The following GLDC variants were observed in gnomAD, a reference collection of about 807,000 sequenced individuals.
GLDC encodes the protein glycine decarboxylase, also known as glycine dehydrogenase (decarboxylating), mitochondrial.
Under a neutral mutation model 121.3 loss-of-function variants are expected in GLDC, and 104 were observed. The observed-to-expected ratio is 0.86, with a 90% CI of 0.73 to 1.01. The LOEUF (loss-of-function observed/expected upper bound fraction) is 1.01, where lower values mean the gene tolerates loss of function less well. Among genes scored for constraint, GLDC ranks in the 50% least tolerant of loss-of-function variants. GLDC has a pLI of 0.00. For synonymous variants in GLDC, 546 were observed against 480.6 expected (o/e 1.14, Z -1.78); for missense variants, 1,429 against 1,306.6 (o/e 1.09, Z -1.44).
chr9:6,621,581 G>A (rs1168902503), intron 2 of GLDC, among the ~76,000 whole-genome samples: 1 of 152,080 alleles, frequency 6.6e-6, no homozygotes, highest in East Asian at 1.9e-4. Context: ...GCAGTGGCTC[G>A]ATCTTGGCTC....
chr9:6,536,061 C>G lies in GLDC; in HGVS notation c.2838+3G>C. The G allele has an allele frequency of 6.2e-7, 1 of 1,612,152 alleles. No homozygotes were observed. The highest frequency in any genetic ancestry group is 8.5e-7 in the Non-Finnish European group (1 of 1,178,794). On this transcript the variant is annotated splice_donor_region_variant and intron_variant, in intron 23 of 24. Coordinates refer to ENST00000321612, the MANE Select transcript of GLDC (RefSeq NM_000170.3). ...TTCAAGCAATGTTCCAGGGCCTACG[C>G]ACCTTCAGCGGATTGACCCTGGGGT...
chr9:6,608,521 A>T (rs1318660372), intron 4 of GLDC, among the ~76,000 whole-genome samples: 2 of 150,152 alleles, frequency 1.3e-5, no homozygotes, highest in African/African-American at 2.4e-5. Context: ...CGGGCGGATC[A>T]TGAGGTCAGG....
chr9:6,578,494 T>C (rs1563844937), intron 15 of GLDC, among the ~76,000 whole-genome samples: 1 of 152,172 alleles, frequency 6.6e-6, no homozygotes, highest in Non-Finnish European at 1.5e-5. Flanking sequence ...CCCGTGATGT[T>C]TGATATGCGG....
intron 15 of GLDC, among the ~76,000 whole-genome samples, chr9:6,579,733 G>T (rs574681255): frequency 1.3e-5 from 2 of 152,304 alleles, no homozygotes; most frequent in African/African-American, 4.8e-5. Context: ...CCAGCTCTGA[G>T]ATCGAAGTTG....
At chr9:6,606,765 A>C in intron 4 of GLDC, 96 bp from the exon 5 acceptor site, 2 of 817,430 alleles carry the variant, frequency 2.4e-6, no homozygotes, top group Non-Finnish European at 4.4e-6. Context: ...GGGTAAGTCT[A>C]AGCACAGTAT....
intron 7 of GLDC, among the ~76,000 whole-genome samples, chr9:6,603,681 A>C (rs934742605): frequency 1.3e-5 from 2 of 151,844 alleles, no homozygotes; most frequent in African/African-American, 2.4e-5. Context: ...AAATTTCCCC[A>C]GTAATAATCC....
chr9:6,619,554 C>A (rs1370779586), intron 3 of GLDC, among the ~76,000 whole-genome samples: 3 of 152,096 alleles, frequency 2.0e-5, no homozygotes, highest in African/African-American at 7.2e-5. Context: ...ACGGTGAAAC[C>A]CCATCTCTAC....
chr9:6,596,561 C>G (rs954498241), intron 8 of GLDC, among the ~76,000 whole-genome samples: 29 of 152,196 alleles, frequency 1.9e-4, no homozygotes, highest in African/African-American at 5.5e-4. Context: ...AAGAACATAA[C>G]AAGACCCCAT....
intron 21 of GLDC, among the ~76,000 whole-genome samples, chr9:6,544,830 T>C (rs1294548971): frequency 6.6e-6 from 1 of 152,160 alleles, no homozygotes; most frequent in African/African-American, 2.4e-5. Context: ...GCCGGGGCAA[T>C]GGCTCACACC....
intron 9 of GLDC, among the ~76,000 whole-genome samples, chr9:6,593,318 A>T (rs1298043696): frequency 6.7e-6 from 1 of 149,752 alleles, no homozygotes; most frequent in East Asian, 1.9e-4. Context: ...TGAGAGATAC[A>T]GTCTCACTCT....
intron 15 of GLDC, among the ~76,000 whole-genome samples, chr9:6,578,509 T>C (rs556431736): frequency 1.3e-5 from 2 of 152,294 alleles, no homozygotes; most frequent in African/African-American, 4.8e-5. Flanking sequence ...ATGCGGTATC[T>C]TCATTTTAAT....
intron 10 of GLDC, among the ~76,000 whole-genome samples, chr9:6,592,551 C>G (rs1818395755): frequency 1.3e-5 from 2 of 152,158 alleles, no homozygotes; most frequent in Non-Finnish European, 2.9e-5. Flanking sequence ...ACCTGTATAT[C>G]AGTTATCAGA....
Position 6,565,430 on chromosome 9 carries a change from C to T in GLDC, c.1851-1G>A, listed in dbSNP as rs747058634. 6.8e-6 allele frequency: 11 copies of T among 1,611,714 alleles called. No homozygotes were observed. Among genetic ancestry groups the T allele is most frequent in the Non-Finnish European group, 9.3e-6 (11 of 1,177,898 alleles). The stretch of plus-strand genomic sequence containing the variant: ...TCCAGCATATTCTCCCTGGGCTCCG[C>T]TTGCAAAGACAAGAAGAAAGGGATC... On this transcript the variant is annotated splice_acceptor_variant, in intron 15 of 24. Transcript: ENST00000321612. LOFTEE classifies it high-confidence loss of function.
chr9:6,581,587 C>T (rs1320588307), intron 15 of GLDC, among the ~76,000 whole-genome samples: 1 of 152,236 alleles, frequency 6.6e-6, no homozygotes, highest in Non-Finnish European at 1.5e-5. Context: ...GCCTCCTCTC[C>T]AGTCAGGGTC....
chr9:6,619,867 C>T (rs1819047665), intron 3 of GLDC, among the ~76,000 whole-genome samples: 1 of 152,176 alleles, frequency 6.6e-6, no homozygotes, highest in South Asian at 2.1e-4. Context: ...CCTGAATCTG[C>T]CCACCTGCAG....
At chr9:6,622,611 G>A (rs1210093471) in intron 2 of GLDC, among the ~76,000 whole-genome samples, 1 of 152,124 alleles carries the variant, frequency 6.6e-6, no homozygotes. Flanking sequence ...CCTCCCAGCC[G>A]CCTGCCTTGG....
At chr9:6,629,558 G>T (rs1257228642) in intron 2 of GLDC, among the ~76,000 whole-genome samples, 4 of 151,902 alleles carry the variant, frequency 2.6e-5, no homozygotes, top group African/African-American at 9.7e-5. Flanking sequence ...CTGGAAAAAT[G>T]TCATTAAAAT....
chr9:6,638,115 A>G (rs1168494148), intron 2 of GLDC, among the ~76,000 whole-genome samples: 1 of 152,136 alleles, frequency 6.6e-6, no homozygotes, highest in Admixed American at 6.5e-5. Context: ...CCGCAACAAC[A>G]TTCAAGTGCT....
chr9:6,595,145 T>A (rs1818467230), intron 8 of GLDC, 26 bp from the exon 9 acceptor site: 1 of 1,444,874 alleles, frequency 6.9e-7, no homozygotes, highest in Non-Finnish European at 9.7e-7. Flanking sequence ...ATTTAAAGAA[T>A]CACGTGATGG....
Sources: gnomAD v4.1 joint callset for allele counts (sites outside exome capture counted in the v4.1 genomes callset) on GRCh38, gnomAD v4.1.1 for gene constraint, MANE v1.5 for transcripts, NCBI Gene and HGNC (gene_info 2026-07-23, HGNC 2026-07-21) for gene names.